The following SOX5 variants were observed in gnomAD, a reference collection of about 807,000 sequenced individuals.
The protein encoded by SOX5 is transcription factor SOX-5.
SOX5 carries 9 observed loss-of-function variants against 92.0 expected under a neutral mutation model. The observed-to-expected ratio is 0.10, with a 90% CI of 0.06 to 0.17. SOX5 has a LOEUF of 0.17. SOX5 is among the 10% of genes least tolerant of loss of function. The pLI, the probability that SOX5 is intolerant of heterozygous loss-of-function variation, is 1.00. For missense variants in SOX5, 642 were observed against 944.5 expected, an observed-to-expected ratio of 0.68 and a Z score of 4.20; for synonymous variants, 344 against 336.3, an observed-to-expected ratio of 1.02 and a Z score of -0.25.
At chr12:24,511,353 C>T (rs911930834) in intron 1 of SOX5, among the ~76,000 whole-genome samples, 3 of 152,216 alleles carry the variant, frequency 2.0e-5, no homozygotes, top group African/African-American at 7.2e-5. Context: ...TCTGTCACTA[C>T]AATACCCAAT....
intron 4 of SOX5, among the ~76,000 whole-genome samples, chr12:24,191,476 G>A (rs992865542): frequency 3.3e-5 from 5 of 152,258 alleles, no homozygotes; most frequent in Middle Eastern, 3.4e-3. Flanking sequence ...ATCAGCTGAC[G>A]GAGCTTCCAG....
chr12:24,221,774 A>G (rs369800922), intron 3 of SOX5, among the ~76,000 whole-genome samples: 1 of 152,246 alleles, frequency 6.6e-6, no homozygotes, highest in East Asian at 1.9e-4. Context: ...TGTAGACAAG[A>G]ATCTGAGAGC....
intron 3 of SOX5, among the ~76,000 whole-genome samples, chr12:24,216,237 A>G (rs1166321201): frequency 2.0e-5 from 3 of 152,130 alleles, no homozygotes; most frequent in Non-Finnish European, 4.4e-5. Flanking sequence ...TAATCCCAGC[A>G]CTTTGGGAGG....
At chr12:24,365,667 A>G (rs1220714290) in intron 2 of SOX5, among the ~76,000 whole-genome samples, 2 of 106,162 alleles carry the variant, frequency 1.9e-5, no homozygotes. Flanking sequence ...TTACAAATTA[A>G]TAAATAGACT....
chr12:23,639,416 T>C (rs1301678665), intron 8 of SOX5, among the ~76,000 whole-genome samples: 1 of 152,174 alleles, frequency 6.6e-6, no homozygotes, highest in African/African-American at 2.4e-5. Context: ...CTAACTTGCT[T>C]TGAAAACCAA....
chr12:24,257,589 C>T (rs566649304), intron 3 of SOX5, among the ~76,000 whole-genome samples: 2 of 152,046 alleles, frequency 1.3e-5, no homozygotes, highest in Non-Finnish European at 2.9e-5. Context: ...CTGCCGCAGC[C>T]TCCTAAGTAG....
At chr12:23,658,676 G>C (rs2082631801) in intron 7 of SOX5, among the ~76,000 whole-genome samples, 1 of 152,110 alleles carries the variant, frequency 6.6e-6, no homozygotes, top group African/African-American at 2.4e-5. Context: ...TGGATCACTT[G>C]AGGTAGGAGT....
chr12:24,373,657 C>A (rs1029104401), intron 1 of SOX5, among the ~76,000 whole-genome samples: 2 of 151,924 alleles, frequency 1.3e-5, no homozygotes, highest in African/African-American at 2.4e-5. Flanking sequence ...GCTATGCACA[C>A]AAACACAGAT....
chr12:24,020,597 T>C (rs527307192), intron 4 of SOX5, among the ~76,000 whole-genome samples: 3 of 152,302 alleles, frequency 2.0e-5, no homozygotes, highest in Admixed American at 2.0e-4. Context: ...ATTAGAAATG[T>C]AGCTATGCAC....
chr12:23,833,839 T>G (rs1336519462), intron 3 of SOX5, among the ~76,000 whole-genome samples: 1 of 151,808 alleles, frequency 6.6e-6, no homozygotes. Flanking sequence ...AGGATATATT[T>G]AAAAAGAGAA....
chr12:23,910,101 T>C (rs1193826849), intron 1 of SOX5, among the ~76,000 whole-genome samples: 6 of 152,166 alleles, frequency 3.9e-5, no homozygotes, highest in African/African-American at 1.4e-4. Flanking sequence ...GATTCCTTTT[T>C]TACTAAAATA....
Position 23,534,019 on chromosome 12 carries a change from T to C in SOX5, c.*200A>G, listed in dbSNP as rs1188650787. On this transcript the variant is annotated 3_prime_UTR_variant, in exon 15 of 15. Transcript: ENST00000451604. ...TTCAATCTCTTGTTGTTGATATTGT[T>C]GTTTGCTTGTTGTATTTGTTTTTTC... is the stretch of plus-strand genomic sequence containing the variant. 5 of 524,936 alleles carry C rather than the reference T, an allele frequency of 9.5e-6. No individual in the cohort carries two copies. Among genetic ancestry groups the C allele is most frequent in the Non-Finnish European group, 1.7e-5 (5 of 294,360 alleles). 32.5% of individuals were successfully genotyped at this position (524,936 alleles called of 1,614,324 possible).
rs147692472 is a variant in SOX5 at position 24,129,959 on chromosome 12, C to T, written c.-2+83384G>A. Among the ~76,000 whole-genome samples the T allele has an allele frequency of 4.0e-3, 613 of 152,142 alleles. 3 individuals are homozygous for T. The highest frequency in any genetic ancestry group is 0.014 in the African/African-American group (596 of 41,508). Reference sequence around the variant, plus strand: ...AACATGCCCATGGTAAAAACTCAAACTAAAAATGCACATGTGTGCTTGTGT... The same window carrying T: ...AACATGCCCATGGTAAAAACTCAAATTAAAAATGCACATGTGTGCTTGTGT... On this transcript the variant is annotated intron_variant, in intron 4 of 4. Transcript: ENST00000446891.
intron 2 of SOX5, among the ~76,000 whole-genome samples, chr12:24,319,863 C>T (rs1950046417): frequency 6.6e-6 from 1 of 152,178 alleles, no homozygotes; most frequent in African/African-American, 2.4e-5. Flanking sequence ...TCCCTCAAAC[C>T]TCACTCAAAC....
intron 3 of SOX5, among the ~76,000 whole-genome samples, chr12:23,829,061 T>C (rs2096274612): frequency 6.6e-6 from 1 of 151,938 alleles, no homozygotes; most frequent in Non-Finnish European, 1.5e-5. Flanking sequence ...AAATTCTGAG[T>C]GAGCTCTCCA....
At chr12:23,991,774 T>A (rs1950583083) in intron 4 of SOX5, among the ~76,000 whole-genome samples, 1 of 150,992 alleles carries the variant, frequency 6.6e-6, no homozygotes, top group Non-Finnish European at 1.5e-5. Flanking sequence ...ACTTTATACA[T>A]AATTATGCAG....
chr12:23,695,069 G>A (rs906051236), intron 6 of SOX5, among the ~76,000 whole-genome samples: 1 of 150,586 alleles, frequency 6.6e-6, no homozygotes, highest in African/African-American at 2.5e-5. Flanking sequence ...GCAGTGAGCC[G>A]TGACTGTGTC....
At chr12:23,762,391 G>A (rs2094585299) in intron 3 of SOX5, 1 of 374,172 alleles carries the variant, frequency 2.7e-6, no homozygotes, top group African/African-American at 2.1e-5. Flanking sequence ...CCTGGGCAAT[G>A]TAGCAAGATT....
intron 1 of SOX5, among the ~76,000 whole-genome samples, chr12:23,922,569 C>T (rs958771186): frequency 6.6e-6 from 1 of 152,098 alleles, no homozygotes; most frequent in Non-Finnish European, 1.5e-5. Context: ...GCTTCATATG[C>T]ACAGGTGAAG....
Sources: gnomAD v4.1 joint callset for allele counts (sites outside exome capture counted in the v4.1 genomes callset) on GRCh38, gnomAD v4.1.1 for gene constraint, MANE v1.5 for transcripts, NCBI Gene and HGNC (gene_info 2026-07-23, HGNC 2026-07-21) for gene names.